Variants in PHEX observed in about 807,000 individuals in gnomAD.
The protein encoded by PHEX is phosphate-regulating neutral endopeptidase PHEX.
Under a neutral mutation model 68.0 loss-of-function variants are expected in PHEX, and 16 were observed. That is an observed-to-expected ratio of 0.24 (90% CI 0.16 to 0.36). The LOEUF (loss-of-function observed/expected upper bound fraction) is 0.36. PHEX is among the 10% of genes least tolerant of loss of function. The probability of loss-of-function intolerance (pLI) is 1.00; values close to 1 mark genes in which losing one functional copy is unlikely to be tolerated. For synonymous variants in PHEX, 208 were observed against 205.1 expected (o/e 1.01, Z -0.12); for missense variants, 480 against 575.5 (o/e 0.83, Z 1.70).
At chrX:22,238,386 G>A (rs1321155584) in intron 20 of PHEX, among the ~76,000 whole-genome samples, 1 of 111,598 alleles carries the variant, frequency 9.0e-6, no homozygotes, top group Non-Finnish European at 1.9e-5. Flanking sequence ...TTTACCAGGA[G>A]GAACAGTGCA....
intron 13 of PHEX, chrX:22,169,759 T>C (rs1019060108): frequency 1.8e-5 from 2 of 112,650 alleles, no homozygotes; most frequent in Non-Finnish European, 3.7e-5. Context: ...TCCAGTATCA[T>C]GGGCCTGGGT....
At chrX:22,138,682 A>C (rs1250585638) in intron 12 of PHEX, among the ~76,000 whole-genome samples, 1 of 111,873 alleles carries the variant, frequency 8.9e-6, no homozygotes, top group Non-Finnish European at 1.9e-5. Flanking sequence ...CTCACTGTGC[A>C]TTTTAAATTG....
At chrX:22,070,031 C>G (rs771742367) in intron 3 of PHEX, among the ~76,000 whole-genome samples, 62 of 110,804 alleles carry the variant, frequency 5.6e-4, no homozygotes, top group Non-Finnish European at 9.4e-4. Flanking sequence ...ACTGAGGAGC[C>G]TGGAAACCAA....
At chrX:22,108,771 A>G (rs763975129) in intron 9 of PHEX, among the ~76,000 whole-genome samples, 24 of 110,664 alleles carry the variant, frequency 2.2e-4, no homozygotes, top group Non-Finnish European at 4.5e-4. Flanking sequence ...GTGAAACCCC[A>G]TCAGTACTAA....
At chrX:22,145,698 T>C (rs1353720058) in intron 12 of PHEX, among the ~76,000 whole-genome samples, 3 of 111,640 alleles carry the variant, frequency 2.7e-5, no homozygotes, top group African/African-American at 9.8e-5. Flanking sequence ...TCAGTGGCCA[T>C]TGATAATATT....
chrX:22,150,550 C>T (rs1330623089), intron 12 of PHEX, among the ~76,000 whole-genome samples: 1 of 112,037 alleles, frequency 8.9e-6, no homozygotes, highest in East Asian at 2.8e-4. Context: ...ACTTTATTTA[C>T]AACACCAGGC....
chrX:22,202,770 C>T (rs1028593209), intron 15 of PHEX, among the ~76,000 whole-genome samples: 10 of 111,270 alleles, frequency 9.0e-5, no homozygotes, highest in Non-Finnish European at 1.7e-4. Flanking sequence ...AATGAGAGGA[C>T]CTGTTGGAAT....
At chrX:22,182,379 G>C (rs1933907108) in intron 14 of PHEX, among the ~76,000 whole-genome samples, 1 of 111,511 alleles carries the variant, frequency 9.0e-6, no homozygotes, top group African/African-American at 3.3e-5. Flanking sequence ...CTGAGTTCCA[G>C]TGCAAAGTCC....
intron 9 of PHEX, among the ~76,000 whole-genome samples, chrX:22,102,293 T>C (rs1318794255): frequency 9.0e-6 from 1 of 111,696 alleles, no homozygotes; most frequent in Non-Finnish European, 1.9e-5. Flanking sequence ...TTTTAATTGT[T>C]AGCTCCCACA....
At chrX:22,221,362 T>G (rs895020853) in intron 17 of PHEX, among the ~76,000 whole-genome samples, 2 of 112,342 alleles carry the variant, frequency 1.8e-5, no homozygotes, top group Non-Finnish European at 3.8e-5. Context: ...GTATATGTAA[T>G]AAATTGATGA....
intron 13 of PHEX, chrX:22,171,786 A>G (rs1260523565): frequency 1.8e-5 from 2 of 112,284 alleles, no homozygotes; most frequent in Non-Finnish European, 3.8e-5. Flanking sequence ...TTTAAGAAAC[A>G]TGTAGATAAG....
chrX:22,130,578 G>A (rs1448508792), intron 11 of PHEX, among the ~76,000 whole-genome samples: 2 of 107,584 alleles, frequency 1.9e-5, no homozygotes, highest in Non-Finnish European at 3.8e-5. Context: ...AAAAACTTAG[G>A]CATGCTGATA....
At chrX:22,180,081 C>T (rs1435199576) in intron 14 of PHEX, among the ~76,000 whole-genome samples, 9 of 109,242 alleles carry the variant, frequency 8.2e-5, no homozygotes, top group African/African-American at 3.0e-4. Flanking sequence ...ATGTAGCTGT[C>T]GATGTCTCCA....
chrX:22,239,998 G>A (rs890375849), intron 20 of PHEX, among the ~76,000 whole-genome samples: 18 of 111,684 alleles, frequency 1.6e-4, no homozygotes, highest in Admixed American at 6.7e-4. Context: ...GAGAAAGGTC[G>A]GGTTACCCAC....
At chrX:22,229,476 AT>A (rs1252246989) in intron 20 of PHEX, among the ~76,000 whole-genome samples, 1 of 112,017 alleles carries the variant, frequency 8.9e-6, no homozygotes, top group East Asian at 2.8e-4. Flanking sequence ...TTTGATTTGC[AT>A]TTCTCTAATG....
Position 22,227,503 on chromosome X carries a change from C to T in PHEX, c.1966-4C>T. 1.7e-6 allele frequency: 2 copies of T among 1,179,751 alleles called. No individual in the cohort carries two copies. Among genetic ancestry groups the T allele is most frequent in the Non-Finnish European group, 1.2e-6 (1 of 866,263 alleles). ...AGACTCATCTCTTCTTCTTCTCTCACCAGGCTTACAGGAAATGGATAAATG... is the reference window on the plus strand; with the variant it reads ...AGACTCATCTCTTCTTCTTCTCTCATCAGGCTTACAGGAAATGGATAAATG... On this transcript the variant is annotated splice_region_variant and splice_polypyrimidine_tract_variant and intron_variant, in intron 19 of 21. Transcript: ENST00000379374.
intron 12 of PHEX, among the ~76,000 whole-genome samples, chrX:22,154,748 G>T (rs1315149610): frequency 8.9e-6 from 1 of 111,888 alleles, no homozygotes; most frequent in Non-Finnish European, 1.9e-5. Flanking sequence ...ACAAATTTGT[G>T]TTTTCAACAA....
chrX:22,224,342 A>G (rs1472023959), intron 18 of PHEX, among the ~76,000 whole-genome samples: 2 of 111,618 alleles, frequency 1.8e-5, no homozygotes, highest in Non-Finnish European at 3.8e-5. Flanking sequence ...AATGAGGGAA[A>G]CCTATTGGTT....
At chrX:22,191,841 C>T (rs909830769) in intron 15 of PHEX, among the ~76,000 whole-genome samples, 1 of 112,163 alleles carries the variant, frequency 8.9e-6, no homozygotes, top group Non-Finnish European at 1.9e-5. Context: ...TCACATGTGG[C>T]ATATTCACAC....
Sources: allele counts gnomAD v4.1 joint callset (sites outside exome capture counted in the v4.1 genomes callset), GRCh38; gene constraint gnomAD v4.1.1; transcripts MANE v1.5; gene names NCBI Gene and HGNC (gene_info 2026-07-23, HGNC 2026-07-21).